The following RYR3 variants were observed in gnomAD, a reference collection of about 807,000 sequenced individuals.
RYR3 encodes the protein brain ryanodine receptor-calcium release channel.
RYR3 carries 207 observed loss-of-function variants against 584.3 expected under a neutral mutation model. That is an observed-to-expected ratio of 0.35 (90% CI 0.32 to 0.40). The LOEUF (loss-of-function observed/expected upper bound fraction) is 0.40, where lower values mean the gene tolerates loss of function less well. Among genes scored for constraint, RYR3 ranks in the 10% least tolerant of loss-of-function variants. The probability of loss-of-function intolerance (pLI) is 1.00; values close to 1 mark genes in which losing one functional copy is unlikely to be tolerated. For missense variants in RYR3, 5,616 were observed against 6,089.2 expected (o/e 0.92, Z 2.59); for synonymous variants, 2,416 against 2,248.5 (o/e 1.07, Z -2.11).
At chr15:33,844,328 A>T (rs947015458) in intron 92 of RYR3, among the ~76,000 whole-genome samples, 2 of 152,246 alleles carry the variant, frequency 1.3e-5, no homozygotes. Context: ...ACAGCCATCC[A>T]AGAAGAGAAA....
At chr15:33,701,164 G>C (rs2066275125) in intron 42 of RYR3, 84 bp downstream of exon 42, 1 of 818,690 alleles carries the variant, frequency 1.2e-6, no homozygotes, top group African/African-American at 1.7e-5. Flanking sequence ...CACGGATGGA[G>C]TCTCTGTCAC....
chr15:33,680,546 A>T (rs925355856), intron 38 of RYR3, among the ~76,000 whole-genome samples: 14 of 152,190 alleles, frequency 9.2e-5, no homozygotes, highest in African/African-American at 3.1e-4. Flanking sequence ...GAGAAAGTTT[A>T]TCCTGCCCTG....
chr15:33,845,262 G>C (rs182245752), intron 93 of RYR3, among the ~76,000 whole-genome samples, 200 bp downstream of exon 93: 118 of 152,218 alleles, frequency 7.8e-4, no homozygotes, highest in Non-Finnish European at 1.3e-3. Flanking sequence ...TTCTGTTGTT[G>C]TTGTTTTTGA....
In RYR3 at chr15:33,634,211, C is replaced by T. The variant is rs115426249; in HGVS notation, c.3028-375C>T. On this transcript the variant is annotated intron_variant, in intron 24 of 103. Coordinates refer to ENST00000634891, the MANE Select transcript of RYR3 (RefSeq NM_001036.6). ...GGATTACAGGCATGTGCCACCACAT[C>T]GAGCTAATTTTTGTATTTTTCATAG... 8.3e-3 allele frequency among the ~76,000 whole-genome samples: 1,261 copies of T among 152,068 alleles called. 14 individuals are homozygous for T. Among genetic ancestry groups the T allele is most frequent in the Middle Eastern group, 0.027 (8 of 294 alleles).
intron 5 of RYR3, among the ~76,000 whole-genome samples, 161 bp downstream of exon 5, chr15:33,533,550 G>A (rs908893982): frequency 6.6e-6 from 1 of 152,160 alleles, no homozygotes; most frequent in African/African-American, 2.4e-5. Context: ...GAGAAAGAAT[G>A]TGTAATGGAA....
Position 33,644,350 on chromosome 15 carries a change from G to T in RYR3, c.3596G>T (p.Gly1199Val). 3 of 1,612,960 alleles carry T rather than the reference G, an allele frequency of 1.9e-6. No individual in the cohort carries two copies. The highest frequency in any genetic ancestry group is 2.5e-6 in the Non-Finnish European group (3 of 1,179,548). The change falls in exon 28 of 104, where the codon GGC becomes GTC. Residue 1199 changes from glycine to valine, a missense_variant. This residue lies in a region of RYR3 where 152 missense variants were observed against 200.9 expected (regional missense o/e 0.76). Transcript: ENST00000634891. The part of the protein sequence containing the change: ...PICCLGLSQI[G>V]RMNLGTDAST... ...TGCTGTCTGGGTCTATCTCAGATCG[G>T]CCGCATGAATCTCGGGACAGATGCC...
Position 33,662,447 on chromosome 15 carries a change from T to C in RYR3, c.4917T>C (p.Asn1639=). 1 of 1,614,008 alleles carries C rather than the reference T, an allele frequency of 6.2e-7. No individual in the cohort carries two copies. The highest frequency in any genetic ancestry group is 8.5e-7 in the Non-Finnish European group (1 of 1,179,890). The stretch of plus-strand genomic sequence containing the variant: ...TCCCCATTACCAGCACCACCAGGAA[T>C]ATCCGCCTCTTCCCGGACGAGTCCA... ...YIIPITSTTR[N]IRLFPDESKR... The change falls in exon 35 of 104, where the codon AAT becomes AAC. Residue 1639 remains asparagine, a synonymous_variant. Coordinates refer to ENST00000634891, the MANE Select transcript of RYR3 (RefSeq NM_001036.6).
At chr15:33,726,110 T>C (rs1392948210) in intron 45 of RYR3, among the ~76,000 whole-genome samples, 2 of 152,086 alleles carry the variant, frequency 1.3e-5, no homozygotes, top group African/African-American at 4.8e-5. Context: ...CGTGTAGTTA[T>C]TCCTGGGGCC....
At chr15:33,864,236 A>T (rs771050936) in intron 103 of RYR3, 47 bp downstream of exon 103, 1 of 1,465,226 alleles carries the variant, frequency 6.8e-7, no homozygotes, top group Non-Finnish European at 9.4e-7. Flanking sequence ...CCCTTTCCTA[A>T]ATCTTGAGAC....
chr15:33,676,015 C>G (rs1221782415), intron 38 of RYR3, among the ~76,000 whole-genome samples: 4 of 151,968 alleles, frequency 2.6e-5, no homozygotes, highest in African/African-American at 9.7e-5. Context: ...ATTCCTAGAA[C>G]CTGTGGATAT....
chr15:33,764,289 A>C (rs1180081120), intron 60 of RYR3, among the ~76,000 whole-genome samples: 2 of 152,168 alleles, frequency 1.3e-5, no homozygotes, highest in Non-Finnish European at 2.9e-5. Flanking sequence ...GACATGGATG[A>C]AGCTGAAAAC....
At chr15:33,581,459 T>C in intron 13 of RYR3, 49 bp from the exon 14 acceptor site, 1 of 1,593,410 alleles carries the variant, frequency 6.3e-7, no homozygotes, top group Non-Finnish European at 8.6e-7. Context: ...TAAGGGACTG[T>C]GCTTTCTTAA....
chr15:33,569,969 T>C (rs574472712), intron 12 of RYR3, among the ~76,000 whole-genome samples: 1 of 152,282 alleles, frequency 6.6e-6, no homozygotes, highest in South Asian at 2.1e-4. Context: ...TCTTTGTACC[T>C]TCTGATTACA....
chr15:33,442,925 C>T (rs556708888), intron 1 of RYR3, among the ~76,000 whole-genome samples: 151 of 152,218 alleles, frequency 9.9e-4, no homozygotes, highest in African/African-American at 3.4e-3. Context: ...TGGTGATTTC[C>T]AGACACATTA....
Position 33,623,834 on chromosome 15 carries a change from T to C in RYR3, c.2385T>C (p.His795=). 1.2e-6 allele frequency: 2 copies of C among 1,613,530 alleles called. No homozygotes were observed. The highest frequency in any genetic ancestry group is 1.1e-5 in the South Asian group (1 of 91,080). ...VKVRFLMGGR[H]GEFKFLPPSG... ...TACGTTTCCTGATGGGTGGACGTCATGGAGAGTTTAAGTTCCTGCCTCCCT... is the reference window on the plus strand; with the variant it reads ...TACGTTTCCTGATGGGTGGACGTCACGGAGAGTTTAAGTTCCTGCCTCCCT... Residue 795 remains histidine, a synonymous_variant, in exon 20 of 104, where the codon CAT becomes CAC. Coordinates refer to ENST00000634891, the MANE Select transcript of RYR3 (RefSeq NM_001036.6).
intron 12 of RYR3, among the ~76,000 whole-genome samples, chr15:33,567,587 T>C (rs1016687978): frequency 6.6e-6 from 1 of 152,218 alleles, no homozygotes; most frequent in African/African-American, 2.4e-5. Context: ...CTTGTACTTC[T>C]TGTTTAAGTA....
chr15:33,700,364 A>G (rs2066211805), intron 41 of RYR3, among the ~76,000 whole-genome samples: 1 of 152,224 alleles, frequency 6.6e-6, no homozygotes, highest in African/African-American at 2.4e-5. Flanking sequence ...AAAGCAAGTC[A>G]CTGCATATGC....
At chr15:33,863,729 G>C (rs940649639) in intron 102 of RYR3, among the ~76,000 whole-genome samples, 1 of 152,176 alleles carries the variant, frequency 6.6e-6, no homozygotes, top group Non-Finnish European at 1.5e-5. Flanking sequence ...AGATATTCTT[G>C]AGACACACAC....
chr15:33,758,025 C>T (rs928663106), intron 60 of RYR3, among the ~76,000 whole-genome samples: 7 of 152,138 alleles, frequency 4.6e-5, no homozygotes, highest in African/African-American at 1.4e-4. Context: ...TTGCCTCACC[C>T]AGGAAGTGCA....
Sources: gnomAD v4.1 joint callset for allele counts (sites outside exome capture counted in the v4.1 genomes callset) on GRCh38, gnomAD v4.1.1 for gene constraint, gnomAD v4.1.1 regional missense constraint, MANE v1.5 for transcripts, NCBI Gene and HGNC (gene_info 2026-07-23, HGNC 2026-07-21) for gene names.